Variants in FAM193A observed in about 807,000 individuals in gnomAD.
The protein encoded by FAM193A is family with sequence similarity 193 member A.
In FAM193A, 22 loss-of-function variants were observed where a neutral mutation model predicts 126.5. That is an observed-to-expected ratio of 0.17 (90% CI 0.12 to 0.25). The LOEUF (loss-of-function observed/expected upper bound fraction) is 0.25. Ranked by LOEUF, FAM193A falls within the 10% of genes least tolerant of loss-of-function variation. FAM193A has a pLI of 1.00. For missense variants in FAM193A, 1,675 were observed against 1,672.8 expected (o/e 1.00, Z -0.02); for synonymous variants, 761 against 646.8 (o/e 1.18, Z -2.68).
chr4:2,581,174 T>G (rs1739910098), intron 1 of FAM193A, among the ~76,000 whole-genome samples: 1 of 150,824 alleles, frequency 6.6e-6, no homozygotes. Context: ...TTTATTCCAT[T>G]TTTGGGATTG....
chr4:2,578,755 T>C (rs756822361), intron 1 of FAM193A, among the ~76,000 whole-genome samples: 27 of 152,174 alleles, frequency 1.8e-4, no homozygotes, highest in Non-Finnish European at 8.8e-5. Context: ...TCTACTGTAT[T>C]CCTACAATAA....
intron 1 of FAM193A, among the ~76,000 whole-genome samples, chr4:2,545,293 C>G (rs1737478013): frequency 6.6e-6 from 1 of 152,138 alleles, no homozygotes; most frequent in Non-Finnish European, 1.5e-5. Context: ...ACGCCAGGCC[C>G]TCTCTTTGAA....
rs745946997 is a variant in FAM193A at position 2,659,812 on chromosome 4, A to G, written c.1503A>G (p.Arg501=). The change falls in exon 10 of 21, where the codon AGA becomes AGG. Residue 501 remains arginine, a splice_region_variant and synonymous_variant. Transcript: ENST00000637812. ...PDCPNCNYRR[R]CACDDCSLSH... is the part of the protein sequence containing the mutation. ...GTAACTGTCCTTAATTCCTGATCAG[A>G]TGTGCTTGCGATGACTGCAGTCTCT... The G allele has an allele frequency of 6.2e-7, 1 of 1,614,010 alleles. No homozygotes were observed. The highest frequency in any genetic ancestry group is 8.5e-7 in the Non-Finnish European group (1 of 1,180,000).
intron 12 of FAM193A, among the ~76,000 whole-genome samples, chr4:2,671,762 T>A (rs1713820481): frequency 6.6e-6 from 1 of 152,238 alleles, no homozygotes; most frequent in African/African-American, 2.4e-5. Flanking sequence ...AGAAGCAGTG[T>A]GAGCCCAGTG....
intron 4 of FAM193A, among the ~76,000 whole-genome samples, chr4:2,628,992 A>G (rs987123001): frequency 6.6e-6 from 1 of 152,004 alleles, no homozygotes; most frequent in Non-Finnish European, 1.5e-5. Flanking sequence ...AGCTGGGACT[A>G]CAGGCGCCTG....
intron 1 of FAM193A, among the ~76,000 whole-genome samples, chr4:2,577,177 AAG>A (rs1553888594): frequency 3.6e-5 from 1 of 27,496 alleles, no homozygotes; most frequent in African/African-American, 8.8e-5. Context: ...TTTTGAGACG[AAG>A]CCTCGCTCTG....
rs1001098705 is a variant in FAM193A, at chr4:2,699,717, C to T, written c.3545C>T (p.Ala1182Val). ...GCTCGCCTAGAAGCAGAGGCCAGGG[C>T]CCGGGAGCACCTGCACCTCCAGGAG... ...EKARLEAEARAREHLHLQEEQ... is the reference protein window; with the variant it reads ...EKARLEAEARVREHLHLQEEQ... The change falls in exon 19 of 21, where the codon GCC becomes GTC. Residue 1182 changes from alanine (A) to valine (V), a missense_variant. Physicochemically the swap from Ala to Val is moderately conservative, Grantham distance 64. Around this residue, in one of 4 missense-constraint regions of FAM193A, gnomAD observed 415 missense variants for 396.7 expected, o/e 1.05. Transcript: ENST00000637812. 1.1e-5 allele frequency: 18 copies of T among 1,613,536 alleles called. No individual in the cohort carries two copies. Among genetic ancestry groups the T allele is most frequent in the Non-Finnish European group, 1.4e-5 (17 of 1,179,830 alleles).
chr4:2,547,725 A>T (rs187845958), intron 1 of FAM193A, among the ~76,000 whole-genome samples: 1 of 151,406 alleles, frequency 6.6e-6, no homozygotes, highest in African/African-American at 2.4e-5. Context: ...TCCTTGGTTC[A>T]AGCAATTCTC....
At chr4:2,590,949 C>A (rs1212709595) in intron 1 of FAM193A, among the ~76,000 whole-genome samples, 4 of 151,726 alleles carry the variant, frequency 2.6e-5, no homozygotes, top group Admixed American at 2.6e-4. Context: ...ATCACTTGAA[C>A]CTGGGAGGTG....
chr4:2,642,772 G>GC (rs1218120278), intron 6 of FAM193A, among the ~76,000 whole-genome samples: 2 of 143,718 alleles, frequency 1.4e-5, no homozygotes, highest in African/African-American at 2.7e-5. Flanking sequence ...TTGTTCTGTC[G>GC]CCCAGGCTGG....
chr4:2,728,024 C>G (rs896541590), intron 20 of FAM193A, among the ~76,000 whole-genome samples: 1 of 151,994 alleles, frequency 6.6e-6, no homozygotes, highest in Non-Finnish European at 1.5e-5. Flanking sequence ...CTCCGCCTGC[C>G]GGGTTCAAGC....
intron 13 of FAM193A, among the ~76,000 whole-genome samples, chr4:2,683,775 T>A (rs899883389): frequency 2.6e-5 from 4 of 152,258 alleles, no homozygotes; most frequent in Admixed American, 2.0e-4. Flanking sequence ...CTTCCAGCAT[T>A]CCACTTACCA....
chr4:2,596,266 G>A lies in FAM193A; in HGVS notation c.438G>A (p.Val146=). 2 of 703,056 alleles carry A rather than the reference G, an allele frequency of 2.8e-6. No individual in the cohort carries two copies. The highest frequency in any genetic ancestry group is 5.2e-6 in the Non-Finnish European group (2 of 385,014). The allele number at this position is 703,056 out of a possible 1,614,324, so 43.6% of individuals were successfully genotyped here. ...GNSVLHLPLW[V]CPDCRRTVEK... is the part of the protein sequence containing the mutation. ...GCGTGCTGCACCTGCCACTGTGGGT[G>A]TGCCCGGACTGCCGCAGGACCGTGG... Residue 146 remains valine (V), a synonymous_variant, in exon 2 of 21, where the codon GTG becomes GTA. Coordinates refer to ENST00000637812, the MANE Select transcript of FAM193A (RefSeq NM_001366318.2).
chr4:2,660,914 T>A (rs1319499702), intron 10 of FAM193A, among the ~76,000 whole-genome samples: 1 of 152,250 alleles, frequency 6.6e-6, no homozygotes, highest in Non-Finnish European at 1.5e-5. Flanking sequence ...GATTGCAGGC[T>A]GCTGTTTATT....
rs1278285532 is a variant in FAM193A, at chr4:2,646,676, C to G, written c.1164-9C>G. ...TCTTTCCTTTGTTACAAGGCCTTCT[C>G]TCTCCTAGGCTAGGAACCACCACAC... On this transcript the variant is annotated splice_polypyrimidine_tract_variant and intron_variant, in intron 6 of 20. Coordinates refer to ENST00000637812, the MANE Select transcript of FAM193A (RefSeq NM_001366318.2). 5 of 1,589,618 alleles carry G rather than the reference C, an allele frequency of 3.1e-6. No individual in the cohort carries two copies. The African/African-American group carries it at 4.1e-5, about 13-fold the overall frequency.
At chr4:2,544,237 T>C (rs1249141895) in intron 1 of FAM193A, among the ~76,000 whole-genome samples, 1 of 152,212 alleles carries the variant, frequency 6.6e-6, no homozygotes, top group Non-Finnish European at 1.5e-5. Flanking sequence ...ATTTTTTCTA[T>C]GTGTACACCT....
At chr4:2,561,426 G>A (rs770574589) in intron 1 of FAM193A, among the ~76,000 whole-genome samples, 2 of 151,144 alleles carry the variant, frequency 1.3e-5, no homozygotes, top group Non-Finnish European at 2.9e-5. Context: ...TAAGTGATGG[G>A]CCCGCCTTGA....
At chr4:2,629,367 G>A (rs888965630) in intron 4 of FAM193A, among the ~76,000 whole-genome samples, 1 of 152,160 alleles carries the variant, frequency 6.6e-6, no homozygotes, top group Non-Finnish European at 1.5e-5. Context: ...TCAGAGGACA[G>A]TTTTTTATAC....
At chr4:2,675,994 C>T (rs1031253387) in intron 13 of FAM193A, among the ~76,000 whole-genome samples, 3 of 152,200 alleles carry the variant, frequency 2.0e-5, no homozygotes, top group Admixed American at 1.3e-4. Flanking sequence ...CTAAATAATA[C>T]TCATCATATG....
Sources: gnomAD v4.1 joint callset for allele counts (sites outside exome capture counted in the v4.1 genomes callset) on GRCh38, gnomAD v4.1.1 for gene constraint, gnomAD v4.1.1 regional missense constraint, MANE v1.5 for transcripts, NCBI Gene and HGNC (gene_info 2026-07-23, HGNC 2026-07-21) for gene names.